Variants in DPYD observed in about 807,000 individuals in gnomAD.
DPYD encodes the protein dihydropyrimidine dehydrogenase [NADP(+)].
A neutral mutation model predicts 116.2 loss-of-function variants in DPYD; 109 were observed. That is an observed-to-expected ratio of 0.94 (90% CI 0.80 to 1.10). The LOEUF (loss-of-function observed/expected upper bound fraction) is 1.10, where lower values mean the gene tolerates loss of function less well. Among genes scored for constraint, DPYD ranks in the 50% least tolerant of loss-of-function variants. The probability of loss-of-function intolerance (pLI) is 0.00; values close to 1 mark genes in which losing one functional copy is unlikely to be tolerated. For synonymous variants in DPYD, 440 were observed against 432.0 expected, an observed-to-expected ratio of 1.02 and a Z score of -0.23; for missense variants, 1,302 against 1,254.5, an observed-to-expected ratio of 1.04 and a Z score of -0.57.
At chr1:97,298,442 A>G (rs1666662451) in intron 18 of DPYD, among the ~76,000 whole-genome samples, 1 of 152,178 alleles carries the variant, frequency 6.6e-6, no homozygotes, top group Non-Finnish European at 1.5e-5. Flanking sequence ...AAAATTGGCT[A>G]CAGTTTACAA....
At chr1:97,133,073 G>C (rs974425038) in intron 20 of DPYD, among the ~76,000 whole-genome samples, 40 of 151,762 alleles carry the variant, frequency 2.6e-4, no homozygotes, top group African/African-American at 9.4e-4. Context: ...ACATTTTCTA[G>C]GTTCTTTTTT....
In DPYD at chr1:97,668,099, C is replaced by T. The variant is rs532098024; in HGVS notation, c.850+10996G>A. On this transcript the variant is annotated intron_variant, in intron 8 of 22. Transcript: ENST00000370192. ...ATGAATAGTGCTGATGGTTGCACAA[C>T]GATGTGAATGTACTTAATCCCACTA... Among the ~76,000 whole-genome samples the T allele has an allele frequency of 4.6e-5, 7 of 152,112 alleles. No homozygotes were observed. In the East Asian group the frequency reaches 5.8e-4, roughly 13 times the overall value.
At chr1:97,459,067 T>A (rs1446969494) in intron 13 of DPYD, among the ~76,000 whole-genome samples, 6 of 151,876 alleles carry the variant, frequency 4.0e-5, no homozygotes, top group African/African-American at 9.7e-5. Flanking sequence ...TATAAAAAAA[T>A]TAATATGCTT....
In DPYD at chr1:97,529,787, TTC is replaced by T. The variant is rs769385486; in HGVS notation, c.1525-13848_1525-13847del. 2.9e-5 allele frequency among the ~76,000 whole-genome samples: 4 copies of T among 138,406 alleles called. No individual in the cohort carries two copies. The East Asian group carries it at 5.8e-4, about 20-fold the overall frequency. The allele number at this position is 138,406 out of a possible 152,430, so 90.8% of individuals were successfully genotyped here. ...TTCTCTTTCTTCTTTCTTTCTCTTT[TTC>T]TTTTTTCCCTTTTTCTTTCTTTCCT... On this transcript the variant is annotated intron_variant, in intron 12 of 22. Transcript: ENST00000370192.
chr1:97,828,018 T>G (rs746507200), intron 3 of DPYD, 96 bp downstream of exon 3: 150 of 1,158,962 alleles, frequency 1.3e-4, no homozygotes, highest in Non-Finnish European at 1.8e-4. Context: ...AGAACAGAGC[T>G]GAATGGTGGC....
chr1:97,188,515 T>C (rs1032695403), intron 20 of DPYD, among the ~76,000 whole-genome samples: 21 of 152,140 alleles, frequency 1.4e-4, no homozygotes, highest in African/African-American at 4.3e-4. Context: ...TCCTTCAAAA[T>C]GCTTGTAATG....
chr1:97,164,925 G>A (rs907215980), intron 20 of DPYD, among the ~76,000 whole-genome samples: 3 of 151,644 alleles, frequency 2.0e-5, no homozygotes, highest in Non-Finnish European at 2.9e-5. Context: ...AGCCAGGATG[G>A]TCTCGATCTG....
chr1:97,426,431 T>A (rs1011094910), intron 14 of DPYD, among the ~76,000 whole-genome samples: 1 of 151,594 alleles, frequency 6.6e-6, no homozygotes, highest in Non-Finnish European at 1.5e-5. Flanking sequence ...TATTTGGGGG[T>A]AAGGAGGAAG....
chr1:97,787,841 T>G (rs1667121419), intron 3 of DPYD, among the ~76,000 whole-genome samples: 1 of 152,188 alleles, frequency 6.6e-6, no homozygotes, highest in Admixed American at 6.5e-5. Context: ...ATCAACAACT[T>G]CAACATAAAG....
intron 3 of DPYD, among the ~76,000 whole-genome samples, chr1:97,781,278 G>C (rs1666727926): frequency 6.6e-6 from 1 of 152,018 alleles, no homozygotes; most frequent in Non-Finnish European, 1.5e-5. Flanking sequence ...TATACTTTTG[G>C]TACAAAAATT....
At chr1:97,584,845 T>C (rs1324292469) in intron 10 of DPYD, among the ~76,000 whole-genome samples, 1 of 150,182 alleles carries the variant, frequency 6.7e-6, no homozygotes, top group African/African-American at 2.4e-5. Context: ...ATATACCTAA[T>C]GCTAAATGAC....
intron 3 of DPYD, among the ~76,000 whole-genome samples, chr1:97,799,436 T>C (rs568866124): frequency 3.9e-4 from 60 of 152,018 alleles, no homozygotes; most frequent in African/African-American, 1.4e-3. Flanking sequence ...GCCAAAGATA[T>C]ACCCGCATGA....
At chr1:97,406,569 C>A (rs1323976766) in intron 14 of DPYD, among the ~76,000 whole-genome samples, 1 of 141,284 alleles carries the variant, frequency 7.1e-6, no homozygotes, top group Non-Finnish European at 1.5e-5. Flanking sequence ...CACCCCCCGA[C>A]AGGCCCCAGT....
intron 14 of DPYD, among the ~76,000 whole-genome samples, chr1:97,417,134 T>C (rs544457832): frequency 1.3e-5 from 2 of 152,332 alleles, no homozygotes; most frequent in East Asian, 1.9e-4. Context: ...GCATGGGCTT[T>C]CACATTTACT....
intron 3 of DPYD, among the ~76,000 whole-genome samples, chr1:97,816,186 A>G (rs1668595905): frequency 6.6e-6 from 1 of 151,822 alleles, no homozygotes; most frequent in Non-Finnish European, 1.5e-5. Context: ...TGGTACTCAC[A>G]CCTTAGCCTC....
chr1:97,227,039 A>G (rs966621200), intron 19 of DPYD, among the ~76,000 whole-genome samples: 5 of 152,134 alleles, frequency 3.3e-5, no homozygotes, highest in African/African-American at 1.2e-4. Flanking sequence ...ATGAAAAGCA[A>G]TAATTGGGCT....
chr1:97,920,239 A>C (rs982519265), intron 1 of DPYD, among the ~76,000 whole-genome samples: 1 of 152,146 alleles, frequency 6.6e-6, no homozygotes, highest in African/African-American at 2.4e-5. Context: ...GATTTTTTTT[A>C]ACAGAAACGG....
rs576213543 is a variant in DPYD at position 97,608,831 on chromosome 1, C to G, written c.851-13665G>C. On this transcript the variant is annotated intron_variant, in intron 8 of 22. Transcript: ENST00000370192. ...AGTCATGTTTTGATTTATCCCACTACTAGGTGAAGAATCTATAGCAACAGT... is the reference window on the plus strand; with the variant it reads ...AGTCATGTTTTGATTTATCCCACTAGTAGGTGAAGAATCTATAGCAACAGT... Among the ~76,000 whole-genome samples the G allele has an allele frequency of 5.3e-5, 8 of 151,942 alleles. No homozygotes were observed. The East Asian group carries it at 1.5e-3, about 29-fold the overall frequency.
At chr1:97,246,717 A>G (rs1336719477) in intron 18 of DPYD, among the ~76,000 whole-genome samples, 1 of 152,154 alleles carries the variant, frequency 6.6e-6, no homozygotes, top group Non-Finnish European at 1.5e-5. Flanking sequence ...GCAGCTACCA[A>G]TATCAATTTC....
Sources: allele counts gnomAD v4.1 joint callset (sites outside exome capture counted in the v4.1 genomes callset), GRCh38; gene constraint gnomAD v4.1.1; transcripts MANE v1.5; gene names NCBI Gene and HGNC (gene_info 2026-07-23, HGNC 2026-07-21).